Variants in GLYATL2 observed in about 807,000 individuals in gnomAD.
The protein encoded by GLYATL2 is glycine-N-acyltransferase like 2.
Under a neutral mutation model 21.4 loss-of-function variants are expected in GLYATL2, and 25 were observed. The observed-to-expected ratio is 1.17, with a 90% CI of 0.85 to 1.63. The LOEUF is 1.63. GLYATL2 is among the 40% of genes most tolerant of loss of function. The probability of loss-of-function intolerance (pLI) is 0.00; values close to 1 mark genes in which losing one functional copy is unlikely to be tolerated. For synonymous variants in GLYATL2, 114 were observed against 118.2 expected, an observed-to-expected ratio of 0.96 and a Z score of 0.23; for missense variants, 361 against 343.3, an observed-to-expected ratio of 1.05 and a Z score of -0.41.
intron 1 of GLYATL2, among the ~76,000 whole-genome samples, chr11:58,873,618 G>A (rs1854167277): frequency 6.6e-6 from 1 of 152,168 alleles, no homozygotes; most frequent in Non-Finnish European, 1.5e-5. Context: ...AACCAGCCTT[G>A]CATCCCAGGG....
chr11:58,875,896 G>T (rs1293903852), intron 1 of GLYATL2, among the ~76,000 whole-genome samples: 5 of 152,142 alleles, frequency 3.3e-5, no homozygotes, highest in African/African-American at 4.8e-5. Flanking sequence ...TTCCAACTTG[G>T]TTCCATTCTC....
At chr11:58,897,891 T>C (rs1854661742) in intron 1 of GLYATL2, among the ~76,000 whole-genome samples, 1 of 152,230 alleles carries the variant, frequency 6.6e-6, no homozygotes, top group Admixed American at 6.5e-5. Flanking sequence ...AAGTATTGAT[T>C]GCCTAGAAAA....
intron 1 of GLYATL2, among the ~76,000 whole-genome samples, chr11:58,858,176 G>A (rs1314757413): frequency 6.6e-6 from 1 of 152,116 alleles, no homozygotes; most frequent in Non-Finnish European, 1.5e-5. Flanking sequence ...TCAGTTTAAA[G>A]AAGAAAGTGG....
At chr11:58,853,966 C>T (rs1853785259) in intron 1 of GLYATL2, among the ~76,000 whole-genome samples, 1 of 152,126 alleles carries the variant, frequency 6.6e-6, no homozygotes, top group Non-Finnish European at 1.5e-5. Flanking sequence ...TCCCTACCAC[C>T]TCCTCCAATG....
At chr11:58,840,638 G>C (rs1853530093) in intron 1 of GLYATL2, 1 of 152,056 alleles carries the variant, frequency 6.6e-6, no homozygotes, top group South Asian at 2.1e-4. Flanking sequence ...AGGAGTTTGA[G>C]ATCAGCCTGG....
At chr11:58,838,925 T>C (rs1366983204) in intron 2 of GLYATL2, among the ~76,000 whole-genome samples, 1 of 152,058 alleles carries the variant, frequency 6.6e-6, no homozygotes, top group Non-Finnish European at 1.5e-5. Context: ...AACTGGGTCT[T>C]GATGAATATG....
At chr11:58,848,109 C>T (rs141906912), upstream of GLYATL2, among the ~76,000 whole-genome samples, 1 of 150,588 alleles carries the variant, frequency 6.6e-6, no homozygotes, top group African/African-American at 2.4e-5. Flanking sequence ...GAGGCGGTAC[C>T]TTTATGAGTC....
chr11:58,870,907 A>C (rs1854106410), intron 1 of GLYATL2, among the ~76,000 whole-genome samples: 1 of 152,252 alleles, frequency 6.6e-6, no homozygotes, highest in Admixed American at 6.5e-5. Flanking sequence ...CTCATAAGAT[A>C]TGCAGAAATG....
intron 1 of GLYATL2, among the ~76,000 whole-genome samples, chr11:58,840,025 C>A (rs1477421132): frequency 1.3e-5 from 2 of 152,102 alleles, no homozygotes; most frequent in Non-Finnish European, 2.9e-5. Context: ...GAGCCCACCA[C>A]CCCCAAGCAT....
intron 1 of GLYATL2, among the ~76,000 whole-genome samples, chr11:58,878,846 G>C (rs1854283755): frequency 6.6e-6 from 1 of 152,182 alleles, no homozygotes; most frequent in South Asian, 2.1e-4. Context: ...AGATAACTTA[G>C]AGTGGAACAT....
chr11:58,858,154 A>T (rs910056840), intron 1 of GLYATL2, among the ~76,000 whole-genome samples: 1 of 152,150 alleles, frequency 6.6e-6, no homozygotes. Context: ...AAGTACCTTC[A>T]AGTGCAGCCC....
chr11:58,877,073 T>C (rs1040465522), intron 1 of GLYATL2, among the ~76,000 whole-genome samples: 5 of 152,236 alleles, frequency 3.3e-5, no homozygotes, highest in African/African-American at 9.6e-5. Context: ...TCGGTAGGCA[T>C]AGGACCTCTG....
At chr11:58,843,724 G>A (rs1174599161) in intron 1 of GLYATL2, among the ~76,000 whole-genome samples, 4 of 151,972 alleles carry the variant, frequency 2.6e-5, no homozygotes, top group East Asian at 1.9e-4. Flanking sequence ...AATAGACAGG[G>A]AAAAATGTAC....
At chr11:58,864,742 G>C (rs1378069768) in intron 1 of GLYATL2, among the ~76,000 whole-genome samples, 1 of 148,966 alleles carries the variant, frequency 6.7e-6, no homozygotes, top group African/African-American at 2.4e-5. Flanking sequence ...TTCTTGTTAA[G>C]GTATTCTTGT....
intron 1 of GLYATL2, among the ~76,000 whole-genome samples, chr11:58,866,847 G>T (rs1854031211): frequency 6.7e-6 from 1 of 149,226 alleles, no homozygotes; most frequent in Admixed American, 6.9e-5. Flanking sequence ...TGTCTCCAAA[G>T]TCCTCCAAAA....
chr11:58,856,687 A>G (rs564966475), intron 1 of GLYATL2, among the ~76,000 whole-genome samples: 1 of 152,306 alleles, frequency 6.6e-6, no homozygotes, highest in African/African-American at 2.4e-5. Flanking sequence ...TCATTAGGTG[A>G]GGCAGTCAGA....
At chr11:58,908,008 T>C (rs1267233753), upstream of GLYATL2, 1 of 153,062 alleles carries the variant, frequency 6.5e-6, no homozygotes, top group East Asian at 1.9e-4. Flanking sequence ...GATAGTTCTT[T>C]TCCTGTTCCT....
intron 1 of GLYATL2, among the ~76,000 whole-genome samples, chr11:58,877,446 A>G (rs549514063): frequency 1.3e-5 from 2 of 152,224 alleles, no homozygotes; most frequent in Admixed American, 6.5e-5. Context: ...TTTTAAAGTC[A>G]TGGGACCAGA....
upstream of GLYATL2, among the ~76,000 whole-genome samples, chr11:58,906,167 G>T (rs2134636275): frequency 6.6e-6 from 1 of 152,270 alleles, no homozygotes; most frequent in Admixed American, 6.5e-5. Flanking sequence ...GGCCGGCAGG[G>T]GCAGTAGACA....
Sources: gnomAD v4.1 joint callset for allele counts (sites outside exome capture counted in the v4.1 genomes callset) on GRCh38, gnomAD v4.1.1 for gene constraint, MANE v1.5 for transcripts, NCBI Gene and HGNC (gene_info 2026-07-23, HGNC 2026-07-21) for gene names.